The following ERC1 variants were observed in gnomAD, a reference collection of about 807,000 sequenced individuals.
ERC1 encodes the protein ELKS/RAB6-interacting/CAST family member 1.
A neutral mutation model predicts 132.0 loss-of-function variants in ERC1; 56 were observed. The ratio of observed to expected loss-of-function variants is 0.42; its 90% CI spans 0.34 to 0.53. The LOEUF (loss-of-function observed/expected upper bound fraction) is 0.53, where lower values mean the gene tolerates loss of function less well. ERC1 is among the 20% of genes least tolerant of loss of function. The probability of loss-of-function intolerance (pLI) is 0.03; values close to 1 mark genes in which losing one functional copy is unlikely to be tolerated. For synonymous variants in ERC1, 478 were observed against 476.1 expected (o/e 1.00, Z -0.05); for missense variants, 1,202 against 1,349.9 (o/e 0.89, Z 1.72).
intron 17 of ERC1, among the ~76,000 whole-genome samples, chr12:1,440,466 A>G (rs2093100435): frequency 6.8e-6 from 1 of 147,902 alleles, no homozygotes. Context: ...TTGGCCTCCC[A>G]AAGTGCTGCG....
rs28560348 is a variant in ERC1, at chr12:1,079,122, T to G, written c.670-4042T>G. ...ACAAAAGTCGATATACAGAGATACA[T>G]ATAGAAATGATTTGTAATATGACAA... On this transcript the variant is annotated intron_variant, in intron 2 of 18. Transcript: ENST00000360905. 1.9e-4 allele frequency among the ~76,000 whole-genome samples: 26 copies of G among 138,670 alleles called. 1 individual carries two copies. Among genetic ancestry groups the G allele is most frequent in the African/African-American group, 2.2e-4 (8 of 36,792 alleles). The allele number at this position is 138,670 out of a possible 152,430, so 91.0% of individuals were successfully genotyped here. A position where few individuals can be genotyped will look rare whatever the true frequency, so the allele number is the denominator to read the frequency against.
chr12:1,442,274 A>C (rs1023853597), intron 17 of ERC1, among the ~76,000 whole-genome samples: 1 of 152,190 alleles, frequency 6.6e-6, no homozygotes, highest in Non-Finnish European at 1.5e-5. Context: ...ATTTTTGAAA[A>C]GTTGGTATTG....
At chr12:1,274,967 G>T (rs181219257) in intron 14 of ERC1, among the ~76,000 whole-genome samples, 1 of 152,170 alleles carries the variant, frequency 6.6e-6, no homozygotes, top group Non-Finnish European at 1.5e-5. Flanking sequence ...ACCAGAGTTC[G>T]TGGAGTGTAC....
At chr12:990,100 T>C (rs1176622828), upstream of ERC1, 1 of 152,172 alleles carries the variant, frequency 6.6e-6, no homozygotes, top group African/African-American at 2.4e-5. Flanking sequence ...GGTGAGTGAA[T>C]GAATGTGAAG....
chr12:1,206,685 T>C (rs1030931957), intron 12 of ERC1, among the ~76,000 whole-genome samples: 17 of 152,134 alleles, frequency 1.1e-4, no homozygotes, highest in African/African-American at 3.9e-4. Flanking sequence ...TATGATTTGG[T>C]TCAGAATTCT....
intron 15 of ERC1, among the ~76,000 whole-genome samples, chr12:1,335,411 G>A (rs914004457): frequency 6.6e-5 from 10 of 152,096 alleles, no homozygotes; most frequent in Non-Finnish European, 1.3e-4. Context: ...CCTTCAATAC[G>A]TAGTTTATTG....
chr12:1,285,288 A>G (rs2078968712), intron 14 of ERC1, among the ~76,000 whole-genome samples: 1 of 152,178 alleles, frequency 6.6e-6, no homozygotes, highest in Admixed American at 6.5e-5. Flanking sequence ...ATTGGGTTTT[A>G]TATCTTCATA....
chr12:1,180,111 C>T (rs1395533653), intron 8 of ERC1, among the ~76,000 whole-genome samples: 1 of 152,154 alleles, frequency 6.6e-6, no homozygotes, highest in African/African-American at 2.4e-5. Flanking sequence ...CCTCTGTCCT[C>T]CCTTTATTCT....
chr12:1,129,289 A>G (rs1031347790), intron 7 of ERC1, among the ~76,000 whole-genome samples: 8 of 151,804 alleles, frequency 5.3e-5, no homozygotes, highest in Non-Finnish European at 1.0e-4. Context: ...CCGGGGCAAC[A>G]GTGAGACTGC....
At chr12:1,313,356 G>A (rs929191126) in intron 15 of ERC1, among the ~76,000 whole-genome samples, 5 of 152,112 alleles carry the variant, frequency 3.3e-5, no homozygotes, top group Non-Finnish European at 7.3e-5. Context: ...GGAATATCAC[G>A]TTTTAGTTGG....
At position 1,110,166 on chromosome 12, in the gene ERC1, A is replaced by G. The variant is rs941368090; in HGVS notation, c.1162-26A>G. On this transcript the variant is annotated intron_variant, in intron 4 of 18. Transcript: ENST00000360905. ...TTTCTGGGTTTTTGTGAATACTTCAATCACTAAATCTTCCATTGTCTTCAG... is the reference window on the plus strand; with the variant it reads ...TTTCTGGGTTTTTGTGAATACTTCAGTCACTAAATCTTCCATTGTCTTCAG... 9 of 1,560,746 alleles carry G rather than the reference A, an allele frequency of 5.8e-6. No homozygotes were observed. In the African/African-American group the frequency reaches 1.1e-4, roughly 19 times the overall value.
intron 18 of ERC1, among the ~76,000 whole-genome samples, chr12:1,453,068 T>G (rs1229465551): frequency 6.6e-6 from 1 of 152,224 alleles, no homozygotes; most frequent in African/African-American, 2.4e-5. Context: ...CTTGTTCTTC[T>G]CTAAGCAGTA....
chr12:1,197,445 A>G (rs1392204942), intron 12 of ERC1, among the ~76,000 whole-genome samples: 1 of 151,204 alleles, frequency 6.6e-6, no homozygotes, highest in Non-Finnish European at 1.5e-5. Flanking sequence ...CTAGAAGAGG[A>G]GGCTGTAGAC....
At chr12:1,479,446 A>T (rs1445397067) in intron 18 of ERC1, among the ~76,000 whole-genome samples, 1 of 152,140 alleles carries the variant, frequency 6.6e-6, no homozygotes, top group Non-Finnish European at 1.5e-5. Context: ...TAACTTCTCC[A>T]AATATTTTAT....
chr12:1,414,562 G>A (rs535088495), intron 17 of ERC1, among the ~76,000 whole-genome samples: 1 of 152,284 alleles, frequency 6.6e-6, no homozygotes, highest in South Asian at 2.1e-4. Context: ...TCTCAGTGGT[G>A]CACATGTGAC....
intron 1 of ERC1, chr12:1,020,850 TC>T (rs1966249824): frequency 6.6e-6 from 1 of 152,128 alleles, no homozygotes; most frequent in Admixed American, 6.6e-5. Context: ...AAATTTAGTC[TC>T]CCTCTTGAAG....
chr12:1,113,100 A>T (rs539463676), intron 6 of ERC1, among the ~76,000 whole-genome samples: 1 of 152,270 alleles, frequency 6.6e-6, no homozygotes, highest in African/African-American at 2.4e-5. Context: ...TACGTATTAC[A>T]AGTAATCTAG....
intron 12 of ERC1, among the ~76,000 whole-genome samples, chr12:1,191,825 G>T (rs1209844473): frequency 1.3e-5 from 2 of 151,344 alleles, no homozygotes; most frequent in Admixed American, 1.3e-4. Flanking sequence ...TTCGTTTTAG[G>T]ATTCAGCACA....
rs371315921 is a variant in ERC1 at position 1,340,516 on chromosome 12, T to C, written c.2781-31317T>C. Among the ~76,000 whole-genome samples, 13 of 152,218 alleles carry C rather than the reference T, an allele frequency of 8.5e-5. No homozygotes were observed. In the South Asian group the frequency reaches 1.7e-3, roughly 19 times the overall value. On this transcript the variant is annotated intron_variant, in intron 15 of 18. Coordinates refer to ENST00000360905, the MANE Select transcript of ERC1 (RefSeq NM_178040.4). ...CTTCTGCTGGAATTCCAGAGGCCCGTAGCAAGAACAGATTACTCTTCGTGA... is the reference window on the plus strand; with the variant it reads ...CTTCTGCTGGAATTCCAGAGGCCCGCAGCAAGAACAGATTACTCTTCGTGA...
Sources: allele counts gnomAD v4.1 joint callset (sites outside exome capture counted in the v4.1 genomes callset), GRCh38; gene constraint gnomAD v4.1.1; transcripts MANE v1.5; gene names NCBI Gene and HGNC (gene_info 2026-07-23, HGNC 2026-07-21).